AR: variants seen among roughly 807,000 people sequenced by gnomAD.
AR encodes the protein androgen receptor.
In AR, 8 loss-of-function variants were observed where a neutral mutation model predicts 53.9. The observed-to-expected ratio is 0.15, with a 90% CI of 0.09 to 0.27. The LOEUF is 0.27. AR is among the 10% of genes least tolerant of loss of function. The pLI is 1.00. For missense variants in AR, 639 were observed against 742.5 expected, an observed-to-expected ratio of 0.86 and a Z score of 1.62; for synonymous variants, 359 against 316.4, an observed-to-expected ratio of 1.13 and a Z score of -1.43.
At chrX:67,700,180 G>A (rs1413486393) in intron 3 of AR, among the ~76,000 whole-genome samples, 1 of 111,650 alleles carries the variant, frequency 9.0e-6, no homozygotes, top group Non-Finnish European at 1.9e-5. Context: ...GGCAGAGATA[G>A]TGAACTCACA....
chrX:67,689,844 A>G lies in AR; in HGVS notation c.1885+3718A>G, dbSNP rs889696386. 3 of 442,762 alleles carry G rather than the reference A, an allele frequency of 6.8e-6. No homozygotes were observed. The highest frequency in any genetic ancestry group is 8.4e-5 in the Admixed American group (1 of 11,867). 36.5% of individuals were successfully genotyped at this position (442,762 alleles called of 1,213,427 possible). A position where few individuals can be genotyped will look rare whatever the true frequency, so the allele number is the denominator to read the frequency against. On this transcript the variant is annotated intron_variant, in intron 3 of 7. Coordinates refer to ENST00000374690, the MANE Select transcript of AR (RefSeq NM_000044.6). The stretch of plus-strand genomic sequence containing the variant: ...TTCTCACAGTCCATAGTTAGGATAA[A>G]TGTAAAGCCATTTCTCATTTTTCTC...
intron 1 of AR, among the ~76,000 whole-genome samples, chrX:67,613,672 C>A (rs1407639621): frequency 9.0e-6 from 1 of 111,516 alleles, no homozygotes; most frequent in African/African-American, 3.3e-5. Flanking sequence ...ACACATGGAT[C>A]CATCAGTAAA....
chrX:67,665,460 A>T (rs953498021), intron 2 of AR, among the ~76,000 whole-genome samples: 3 of 112,100 alleles, frequency 2.7e-5, no homozygotes, highest in Admixed American at 1.9e-4. Context: ...ATTCCTTGGA[A>T]TCTCAGAAAA....
intron 1 of AR, among the ~76,000 whole-genome samples, chrX:67,620,328 G>T (rs1039727849): frequency 7.3e-5 from 8 of 109,104 alleles, no homozygotes; most frequent in African/African-American, 2.7e-4. Flanking sequence ...CTGCTTTTCT[G>T]CCTTAACCAG....
At chrX:67,580,218 A>C (rs909612960) in intron 1 of AR, among the ~76,000 whole-genome samples, 1 of 110,431 alleles carries the variant, frequency 9.1e-6, no homozygotes, top group African/African-American at 3.3e-5. Context: ...TAGCCCTGAC[A>C]GAGATTTCTG....
chrX:67,662,677 G>T (rs1427833388), intron 2 of AR, among the ~76,000 whole-genome samples: 1 of 111,299 alleles, frequency 9.0e-6, no homozygotes, highest in Non-Finnish European at 1.9e-5. Flanking sequence ...TGTTGATTTG[G>T]GGTGGAGAGT....
chrX:67,572,793 C>G lies in AR; in HGVS notation c.1616+26031C>G, dbSNP rs970435145. On this transcript the variant is annotated intron_variant, in intron 1 of 7. Transcript: ENST00000374690. ...CTACTGTGTATTTGGCTAGTTCAAC[C>G]TATCATGGGTAGTCAAAAATAGTTA... 1.2e-4 allele frequency among the ~76,000 whole-genome samples: 13 copies of G among 111,301 alleles called. No homozygotes were observed. In the South Asian group the frequency reaches 2.3e-3, roughly 19 times the overall value.
intron 1 of AR, among the ~76,000 whole-genome samples, chrX:67,632,096 G>T (rs1344031872): frequency 1.8e-5 from 2 of 112,835 alleles, no homozygotes; most frequent in African/African-American, 6.4e-5. Context: ...CTTTTTGTTT[G>T]TCTATGCCCT....
chrX:67,628,958 G>C (rs1325314323), intron 1 of AR, among the ~76,000 whole-genome samples: 8 of 111,434 alleles, frequency 7.2e-5, no homozygotes, highest in South Asian at 3.8e-4. Context: ...TGCGTATATT[G>C]AACCAGCCTT....
intron 3 of AR, among the ~76,000 whole-genome samples, chrX:67,691,185 C>A (rs1212644440): frequency 4.6e-4 from 52 of 111,839 alleles, no homozygotes; most frequent in Non-Finnish European, 7.5e-5. Context: ...TGCTAAACAC[C>A]TAGGATTTGT....
At chrX:67,679,243 T>C (rs2075918859) in intron 2 of AR, among the ~76,000 whole-genome samples, 1 of 111,563 alleles carries the variant, frequency 9.0e-6, no homozygotes, top group Admixed American at 9.6e-5. Context: ...TAAAGTGATA[T>C]GTAACCAAGT....
intron 2 of AR, among the ~76,000 whole-genome samples, chrX:67,659,152 G>C (rs992521022): frequency 1.8e-5 from 2 of 111,262 alleles, no homozygotes; most frequent in Non-Finnish European, 3.8e-5. Context: ...TGCTGTCTAG[G>C]AAGTCAGATA....
At chrX:67,695,769 A>ACACG (rs2147508586) in intron 3 of AR, 1 of 740,879 alleles carries the variant, frequency 1.3e-6, no homozygotes, top group South Asian at 7.1e-5. Context: ...ACACACACAC[A>ACACG]CACGCTCTCT....
At chrX:67,637,646 A>G (rs1925511990) in intron 1 of AR, among the ~76,000 whole-genome samples, 2 of 109,911 alleles carry the variant, frequency 1.8e-5, no homozygotes, top group African/African-American at 6.6e-5. Context: ...ATACGTGTGC[A>G]TGACAACACC....
chrX:67,546,170 C>T lies in AR; in HGVS notation c.1024C>T (p.Pro342Ser), dbSNP rs753457990. 61 of 1,212,168 alleles carry T rather than the reference C, an allele frequency of 5.0e-5. No homozygotes were observed. The highest frequency in any genetic ancestry group is 6.8e-5 in the Non-Finnish European group (61 of 895,597). ...AAGSSGTLEL[P>S]STLSLYKSGA... The stretch of plus-strand genomic sequence containing the variant: ...AGGGAGCTCCGGGACACTTGAACTG[C>T]CGTCTACCCTGTCTCTCTACAAGTC... Residue 342 changes from proline to serine, a missense_variant, in exon 1 of 8, where the codon CCG becomes TCG. By Grantham distance (74) the Pro-to-Ser change is moderately conservative (BLOSUM62 -1). Around this residue, in one of 5 missense-constraint regions of AR, gnomAD observed 423 missense variants for 377.0 expected, o/e 1.12. Coordinates refer to ENST00000374690, the MANE Select transcript of AR (RefSeq NM_000044.6).
At chrX:67,667,839 T>A in intron 2 of AR, among the ~76,000 whole-genome samples, 1 of 111,407 alleles carries the variant, frequency 9.0e-6, no homozygotes, top group Non-Finnish European at 1.9e-5. Flanking sequence ...ACAATGGGAT[T>A]GCTTTCTTGA....
intron 1 of AR, among the ~76,000 whole-genome samples, chrX:67,598,542 A>T (rs1923190346): frequency 1.8e-5 from 2 of 110,968 alleles, no homozygotes; most frequent in Admixed American, 1.9e-4. Context: ...GCCTCCCAAA[A>T]TGCTAGGATT....
chrX:67,637,425 G>C (rs972764464), intron 1 of AR, among the ~76,000 whole-genome samples: 2 of 102,718 alleles, frequency 1.9e-5, no homozygotes, highest in Non-Finnish European at 3.9e-5. Context: ...AGAACATGTG[G>C]TGTTTGGTTT....
At chrX:67,687,633 T>C (rs960182279) in intron 3 of AR, among the ~76,000 whole-genome samples, 3 of 111,835 alleles carry the variant, frequency 2.7e-5, no homozygotes, top group Non-Finnish European at 5.6e-5. Flanking sequence ...ACAAAGTGAT[T>C]GACAAGAAAA....
Sources: allele counts gnomAD v4.1 joint callset (sites outside exome capture counted in the v4.1 genomes callset), GRCh38; gene constraint gnomAD v4.1.1; regional missense constraint gnomAD v4.1.1; transcripts MANE v1.5; gene names NCBI Gene and HGNC (gene_info 2026-07-23, HGNC 2026-07-21).